The following PALM2AKAP2 variants were observed in gnomAD, a reference collection of about 807,000 sequenced individuals.
PALM2AKAP2 encodes the protein PALM2 and AKAP2 fusion.
PALM2AKAP2 carries 37 observed loss-of-function variants against 71.5 expected under a neutral mutation model. The ratio of observed to expected loss-of-function variants is 0.52; its 90% CI spans 0.40 to 0.68. PALM2AKAP2 has a LOEUF of 0.68. Ranked by LOEUF, PALM2AKAP2 falls within the 30% of genes least tolerant of loss-of-function variation. PALM2AKAP2 has a pLI of 0.00. For synonymous variants in PALM2AKAP2, 468 were observed against 478.8 expected (o/e 0.98, Z 0.29); for missense variants, 1,224 against 1,191.8 (o/e 1.03, Z -0.40).
chr9:110,169,245 C>T (rs1373094724), exon 4 of PALM2AKAP2: 2 of 152,576 alleles, frequency 1.3e-5, no homozygotes, highest in Non-Finnish European at 2.9e-5. Flanking sequence ...ATTCACTGAT[C>T]TGCAGTTTAT....
intron 1 of PALM2AKAP2, among the ~76,000 whole-genome samples, chr9:109,648,368 TCGA>T (rs1827181172): frequency 6.6e-6 from 1 of 152,228 alleles, no homozygotes; most frequent in South Asian, 2.1e-4. Context: ...ATTCATTCAA[TCGA>T]CGGATTCTTT....
intron 1 of PALM2AKAP2, among the ~76,000 whole-genome samples, chr9:109,866,557 A>G (rs564366057): frequency 6.8e-4 from 103 of 152,220 alleles, no homozygotes; most frequent in Non-Finnish European, 9.6e-4. Context: ...GAAAGGTTAT[A>G]GTGGAAATGC....
intron 1 of PALM2AKAP2, among the ~76,000 whole-genome samples, chr9:109,706,180 T>C (rs76820053): frequency 0.042 from 6,455 of 152,312 alleles, 185 homozygotes; most frequent in Non-Finnish European, 0.053. Context: ...GATGTAATTA[T>C]GAACTAAAAA....
chr9:109,750,706 G>GT (rs1828876910), intron 1 of PALM2AKAP2, among the ~76,000 whole-genome samples: 2 of 151,836 alleles, frequency 1.3e-5, no homozygotes, highest in African/African-American at 4.8e-5. Context: ...AAAATAATTT[G>GT]TTTTTTTCTA....
intron 1 of PALM2AKAP2, among the ~76,000 whole-genome samples, chr9:109,842,002 GA>G (rs1164125086): frequency 6.6e-6 from 1 of 150,994 alleles, no homozygotes; most frequent in African/African-American, 2.4e-5. Context: ...GGGGAGGTGG[GA>G]AAAAAAGAGG....
At chr9:110,016,927 C>T (rs189758022) in intron 7 of PALM2AKAP2, among the ~76,000 whole-genome samples, 170 of 152,142 alleles carry the variant, frequency 1.1e-3, no homozygotes, top group East Asian at 9.7e-4. Flanking sequence ...TTGCCCAGGC[C>T]GGAGTGCAGT....
At chr9:109,782,151 A>T (rs1048998495) in intron 1 of PALM2AKAP2, among the ~76,000 whole-genome samples, 1 of 152,236 alleles carries the variant, frequency 6.6e-6, no homozygotes, top group Non-Finnish European at 1.5e-5. Flanking sequence ...GTAGCTGCTA[A>T]CACTGGGGTA....
intron 1 of PALM2AKAP2, among the ~76,000 whole-genome samples, chr9:110,134,994 T>A (rs191032420): frequency 1.3e-5 from 2 of 150,264 alleles, no homozygotes; most frequent in East Asian, 3.9e-4. Flanking sequence ...AATAACAAAA[T>A]TACATAGGCT....
intron 3 of PALM2AKAP2, 27 bp from the exon 4 acceptor site, chr9:109,923,708 C>T: frequency 6.4e-7 from 1 of 1,566,388 alleles, no homozygotes; most frequent in South Asian, 1.2e-5. Context: ...AATAAAGTAA[C>T]TTGTCCTTTG....
At chr9:109,942,936 C>T (rs148645046) in intron 6 of PALM2AKAP2, 41 of 1,614,122 alleles carry the variant, frequency 2.5e-5, no homozygotes, top group South Asian at 2.0e-4. Context: ...GAGGAGGGCA[C>T]GTGTCTGAAA....
intron 3 of PALM2AKAP2, among the ~76,000 whole-genome samples, chr9:109,893,556 G>T (rs770750125): frequency 6.6e-6 from 1 of 152,032 alleles, no homozygotes; most frequent in African/African-American, 2.4e-5. Context: ...TGATTCTCTC[G>T]TGCCTTAGCC....
intron 6 of PALM2AKAP2, among the ~76,000 whole-genome samples, chr9:109,963,288 G>A (rs1198916216): frequency 6.6e-6 from 1 of 152,224 alleles, no homozygotes; most frequent in Admixed American, 6.5e-5. Context: ...AGGATGTAGA[G>A]AGACAGGTAC....
intron 1 of PALM2AKAP2, among the ~76,000 whole-genome samples, chr9:109,732,280 T>G (rs888442935): frequency 1.3e-5 from 2 of 152,206 alleles, no homozygotes. Flanking sequence ...GAAGGTAGTG[T>G]GCTGTGATGG....
intron 6 of PALM2AKAP2, among the ~76,000 whole-genome samples, chr9:109,992,264 GTC>G (rs1314133120): frequency 6.6e-6 from 1 of 152,116 alleles, no homozygotes; most frequent in Non-Finnish European, 1.5e-5. Context: ...TTGGCTGTCA[GTC>G]TCTCTTCTTA....
chr9:109,995,907 G>A (rs10980136), intron 6 of PALM2AKAP2, among the ~76,000 whole-genome samples: 49,426 of 152,092 alleles, frequency 0.32, 9,706 homozygotes, highest in Non-Finnish European at 0.45. Flanking sequence ...AGGATGGAGA[G>A]GAAGGATGAG....
intron 1 of PALM2AKAP2, among the ~76,000 whole-genome samples, chr9:109,678,611 T>G (rs967005443): frequency 6.6e-6 from 1 of 152,172 alleles, no homozygotes; most frequent in Non-Finnish European, 1.5e-5. Context: ...GGGGGGTGCA[T>G]CCTTATCTAG....
intron 6 of PALM2AKAP2, among the ~76,000 whole-genome samples, chr9:109,965,798 A>G (rs551820680): frequency 6.6e-6 from 1 of 152,102 alleles, no homozygotes; most frequent in Non-Finnish European, 1.5e-5. Context: ...CTCAGGGGGA[A>G]AAAAAAGAGC....
chr9:110,078,958 T>C (rs564082408), intron 1 of PALM2AKAP2, among the ~76,000 whole-genome samples: 4 of 152,358 alleles, frequency 2.6e-5, no homozygotes, highest in African/African-American at 9.6e-5. Context: ...TGACAACTAA[T>C]TTTAGGAAAC....
intron 1 of PALM2AKAP2, among the ~76,000 whole-genome samples, chr9:109,844,675 T>A (rs2769153): frequency 6.6e-5 from 10 of 152,350 alleles, no homozygotes; most frequent in South Asian, 2.1e-4. Flanking sequence ...ACACGTGCTC[T>A]CACATGTGCA....
Sources: gnomAD v4.1 joint callset for allele counts (sites outside exome capture counted in the v4.1 genomes callset) on GRCh38, gnomAD v4.1.1 for gene constraint, MANE v1.5 for transcripts, NCBI Gene and HGNC (gene_info 2026-07-23, HGNC 2026-07-21) for gene names.